The following LAMB1 variants were observed in gnomAD, a reference collection of about 807,000 sequenced individuals.
LAMB1 encodes laminin subunit beta-1.
In LAMB1, 121 loss-of-function variants were observed where a neutral mutation model predicts 222.3. That is an observed-to-expected ratio of 0.54 (90% CI 0.47 to 0.63). LAMB1 has a LOEUF of 0.63. Ranked by LOEUF, LAMB1 falls within the 30% of genes least tolerant of loss-of-function variation. The pLI is 0.00. For missense variants in LAMB1, 2,172 were observed against 2,240.8 expected, an observed-to-expected ratio of 0.97 and a Z score of 0.62; for synonymous variants, 794 against 807.2, an observed-to-expected ratio of 0.98 and a Z score of 0.28.
At chr7:107,934,385 G>A (rs1044428929) in intron 27 of LAMB1, among the ~76,000 whole-genome samples, 2 of 152,146 alleles carry the variant, frequency 1.3e-5, no homozygotes, top group Non-Finnish European at 2.9e-5. Context: ...TCTGGGCTAA[G>A]AGAACACAAA....
At chr7:107,965,202 C>T (rs1313453128) in intron 13 of LAMB1, among the ~76,000 whole-genome samples, 1 of 152,242 alleles carries the variant, frequency 6.6e-6, no homozygotes, top group Non-Finnish European at 1.5e-5. Context: ...TTTCTTCACA[C>T]TCCATCAGGA....
chr7:107,926,132 A>C, intron 32 of LAMB1, 51 bp downstream of exon 32: 1 of 1,403,896 alleles, frequency 7.1e-7, no homozygotes, highest in Non-Finnish European at 1.0e-6. Context: ...CAAGGAGGAG[A>C]CTGGTGGCTC....
intron 5 of LAMB1, 115 bp from the exon 6 acceptor site, chr7:107,986,478 T>A: frequency 2.5e-6 from 2 of 788,870 alleles, no homozygotes; most frequent in Non-Finnish European, 4.0e-6. Context: ...CTGCATATGG[T>A]TTGTATTTCA....
chr7:107,973,298 A>G (rs2033786465), intron 12 of LAMB1, among the ~76,000 whole-genome samples: 1 of 152,216 alleles, frequency 6.6e-6, no homozygotes. Context: ...CAGGTCAAAG[A>G]CTAGCTGCTC....
chr7:107,989,034 G>T (rs1366259365), intron 5 of LAMB1, among the ~76,000 whole-genome samples: 2 of 152,208 alleles, frequency 1.3e-5, no homozygotes, highest in Non-Finnish European at 2.9e-5. Flanking sequence ...TACAGGCAGA[G>T]CTTAGATTCA....
At chr7:107,949,445 C>A (rs1252347728) in intron 24 of LAMB1, among the ~76,000 whole-genome samples, 2 of 152,136 alleles carry the variant, frequency 1.3e-5, no homozygotes, top group Non-Finnish European at 2.9e-5. Flanking sequence ...AAAAATCAAG[C>A]CTTGGGGCAT....
chr7:107,999,202 G>A (rs2034336487), intron 3 of LAMB1, among the ~76,000 whole-genome samples: 2 of 152,232 alleles, frequency 1.3e-5, no homozygotes, highest in African/African-American at 4.8e-5. Context: ...GGTTAGCTTT[G>A]AATTTCTCTT....
chr7:107,998,968 G>A (rs2150456313), intron 3 of LAMB1, among the ~76,000 whole-genome samples: 1 of 152,356 alleles, frequency 6.6e-6, no homozygotes, highest in East Asian at 1.9e-4. Flanking sequence ...ATTTAGAGAA[G>A]CTTTGGGAAC....
At chr7:107,937,872 T>C (rs544332347) in intron 25 of LAMB1, among the ~76,000 whole-genome samples, 99 of 151,800 alleles carry the variant, frequency 6.5e-4, no homozygotes, top group African/African-American at 2.3e-3. Flanking sequence ...CTACTAAGAA[T>C]GAAATAAGAA....
chr7:107,947,790 T>C (rs1349818209), intron 24 of LAMB1, among the ~76,000 whole-genome samples: 1 of 152,124 alleles, frequency 6.6e-6, no homozygotes, highest in Non-Finnish European at 1.5e-5. Flanking sequence ...CTGTGGGACA[T>C]TTATTATTAT....
chr7:108,001,283 T>C (rs931348962), intron 3 of LAMB1, among the ~76,000 whole-genome samples: 2 of 152,188 alleles, frequency 1.3e-5, no homozygotes, highest in Non-Finnish European at 2.9e-5. Flanking sequence ...ACACACACAA[T>C]CAGGCCTTTT....
intron 27 of LAMB1, among the ~76,000 whole-genome samples, chr7:107,933,228 C>T (rs2032754654): frequency 6.6e-6 from 1 of 152,086 alleles, no homozygotes; most frequent in South Asian, 2.1e-4. Flanking sequence ...GAGAAAATTG[C>T]ATTTAGAGCT....
At position 107,977,938 on chromosome 7, in the gene LAMB1, A is replaced by G. The variant is rs561543270; in HGVS notation, c.1000+109T>C. ...ATCAGGGTGAAGCTGGAAAAAAGAC[A>G]GTAACTTTTCTACCCTCTGCAAAAC... On this transcript the variant is annotated intron_variant, in intron 9 of 33. Transcript: ENST00000222399. 32 of 1,246,666 alleles carry G rather than the reference A, an allele frequency of 2.6e-5. No homozygotes were observed. The African/African-American group carries it at 4.3e-4, about 17-fold the overall frequency. The allele number at this position is 1,246,666 out of a possible 1,614,324, so 77.2% of individuals were successfully genotyped here. A position where few individuals can be genotyped will look rare whatever the true frequency, so the allele number is the denominator to read the frequency against.
At chr7:107,935,367 T>G in intron 27 of LAMB1, 48 bp downstream of exon 27, 1 of 1,119,286 alleles carries the variant, frequency 8.9e-7, no homozygotes. Context: ...TTTTTTTTTT[T>G]TTTTTTGCTT....
At chr7:107,943,371 G>A (rs994168394) in intron 24 of LAMB1, among the ~76,000 whole-genome samples, 10 of 152,064 alleles carry the variant, frequency 6.6e-5, no homozygotes, top group African/African-American at 2.4e-4. Flanking sequence ...AGAAAGGCTT[G>A]GGAAAACCAC....
At chr7:107,972,146 G>A (rs747372622) in intron 13 of LAMB1, among the ~76,000 whole-genome samples, 11 of 152,120 alleles carry the variant, frequency 7.2e-5, no homozygotes, top group Non-Finnish European at 1.6e-4. Flanking sequence ...TCTATGGCAC[G>A]ACCTCGAACA....
chr7:107,929,298 G>A, intron 30 of LAMB1, 93 bp from the exon 31 acceptor site: 1 of 1,516,652 alleles, frequency 6.6e-7, no homozygotes, highest in Non-Finnish European at 9.1e-7. Context: ...TTCCTGAAAT[G>A]ACCCAGAGAG....
Position 107,953,718 on chromosome 7 carries a change from C to A in LAMB1, c.2891G>T (p.Gly964Val). 9 of 1,614,126 alleles carry A rather than the reference C, an allele frequency of 5.6e-6. No homozygotes were observed. The highest frequency in any genetic ancestry group is 7.6e-6 in the Non-Finnish European group (9 of 1,180,014). Residue 964 changes from glycine (G) to valine (V), a missense_variant, in exon 22 of 34, where the codon GGC (glycine) becomes GTC (valine). Physicochemically the swap from Gly to Val is moderately radical, Grantham distance 109. Coordinates refer to ENST00000222399, the MANE Select transcript of LAMB1 (RefSeq NM_002291.3). ...CGACCCCCCAACTTCTGATGGATTG[C>A]CAAAGTATCCTGAGGCACAGTCGTC... ...RCDDCASGYF[G>V]NPSEVGGSCQ... is the part of the protein sequence containing the mutation.
chr7:107,972,728 T>C (rs2033774063), intron 13 of LAMB1, among the ~76,000 whole-genome samples: 1 of 152,226 alleles, frequency 6.6e-6, no homozygotes, highest in African/African-American at 2.4e-5. Context: ...AAAAGGTACT[T>C]TTGTAACTGA....
Sources: allele counts gnomAD v4.1 joint callset (sites outside exome capture counted in the v4.1 genomes callset), GRCh38; gene constraint gnomAD v4.1.1; transcripts MANE v1.5; gene names NCBI Gene and HGNC (gene_info 2026-07-23, HGNC 2026-07-21).